The following GKAP1 variants were observed in gnomAD, a reference collection of about 807,000 sequenced individuals.
The protein encoded by GKAP1 is G kinase-anchoring protein 1.
GKAP1 carries 31 observed loss-of-function variants against 56.7 expected under a neutral mutation model. The ratio of observed to expected loss-of-function variants is 0.55; its 90% CI spans 0.41 to 0.74. The LOEUF (loss-of-function observed/expected upper bound fraction) is 0.74, where lower values mean the gene tolerates loss of function less well. Among genes scored for constraint, GKAP1 ranks in the 30% least tolerant of loss-of-function variants. The pLI, the probability that GKAP1 is intolerant of heterozygous loss-of-function variation, is 0.00. For synonymous variants in GKAP1, 151 were observed against 138.6 expected (o/e 1.09, Z -0.63); for missense variants, 364 against 402.3 (o/e 0.90, Z 0.82).
At chr9:83,768,778 A>G in intron 8 of GKAP1, 40 bp downstream of exon 8, 2 of 1,564,122 alleles carry the variant, frequency 1.3e-6, no homozygotes, top group Non-Finnish European at 8.7e-7. Context: ...TTACATTTCA[A>G]TTTCACTGTG....
At chr9:83,763,820 G>C (rs184992998) in intron 8 of GKAP1, among the ~76,000 whole-genome samples, 4 of 152,250 alleles carry the variant, frequency 2.6e-5, no homozygotes, top group African/African-American at 9.6e-5. Context: ...GTGTAAGAAA[G>C]GCAGGTAATT....
intron 8 of GKAP1, among the ~76,000 whole-genome samples, chr9:83,755,810 T>C (rs866226316): frequency 1.1e-4 from 17 of 148,984 alleles, no homozygotes; most frequent in Admixed American, 5.3e-4. Context: ...TTTTTTTTTT[T>C]TTTTTTTTTT....
intron 7 of GKAP1, among the ~76,000 whole-genome samples, chr9:83,775,040 ACT>A (rs1329113173): frequency 1.4e-5 from 2 of 146,336 alleles, no homozygotes; most frequent in African/African-American, 5.1e-5. Context: ...ATGAAGTCTC[ACT>A]CTGTCGCCCA....
intron 2 of GKAP1, among the ~76,000 whole-genome samples, chr9:83,813,251 CATAAT>C (rs1587747238): frequency 6.6e-6 from 1 of 152,128 alleles, no homozygotes; most frequent in South Asian, 2.1e-4. Flanking sequence ...TTTATATACA[CATAAT>C]ATAATTAAGC....
chr9:83,801,140 T>C (rs938282405), intron 3 of GKAP1, among the ~76,000 whole-genome samples: 1 of 152,114 alleles, frequency 6.6e-6, no homozygotes, highest in Non-Finnish European at 1.5e-5. Flanking sequence ...ACTGGTATCC[T>C]TATACAAAGA....
At chr9:83,815,408 G>A (rs764230598) in intron 2 of GKAP1, among the ~76,000 whole-genome samples, 6 of 151,110 alleles carry the variant, frequency 4.0e-5, no homozygotes, top group African/African-American at 1.5e-4. Context: ...CACCAAGCCC[G>A]ACCCAAGCAG....
chr9:83,796,430 C>T (rs1944248829), intron 4 of GKAP1, among the ~76,000 whole-genome samples: 1 of 152,102 alleles, frequency 6.6e-6, no homozygotes, highest in Non-Finnish European at 1.5e-5. Flanking sequence ...TTTTAATCTG[C>T]TATGATTTTA....
chr9:83,811,812 C>T (rs1944509068), intron 2 of GKAP1, among the ~76,000 whole-genome samples: 1 of 151,982 alleles, frequency 6.6e-6, no homozygotes, highest in Non-Finnish European at 1.5e-5. Flanking sequence ...AATAGCACTA[C>T]TTAATCTGCA....
intron 9 of GKAP1, among the ~76,000 whole-genome samples, chr9:83,750,032 C>T (rs2131236148): frequency 6.6e-6 from 1 of 152,262 alleles, no homozygotes; most frequent in African/African-American, 2.4e-5. Context: ...TGGGCTCCAA[C>T]CTATGTTAGT....
At chr9:83,749,950 C>G (rs924207178) in intron 9 of GKAP1, among the ~76,000 whole-genome samples, 2 of 152,156 alleles carry the variant, frequency 1.3e-5, no homozygotes, top group South Asian at 4.1e-4. Context: ...TCAACTACAA[C>G]TATATTCGCT....
chr9:83,806,621 T>A, intron 2 of GKAP1, 61 bp from the exon 3 acceptor site: 1 of 920,660 alleles, frequency 1.1e-6, no homozygotes, highest in Non-Finnish European at 1.6e-6. Flanking sequence ...CTGTTGTAGA[T>A]TCTAAAACAA....
chr9:83,795,931 G>C (rs1944239101), intron 4 of GKAP1, among the ~76,000 whole-genome samples: 1 of 152,004 alleles, frequency 6.6e-6, no homozygotes, highest in African/African-American at 2.4e-5. Context: ...TTTTGGTTCT[G>C]GTGATTAAAG....
chr9:83,815,867 G>C (rs1309541994), intron 2 of GKAP1, among the ~76,000 whole-genome samples: 1 of 151,964 alleles, frequency 6.6e-6, no homozygotes, highest in Non-Finnish European at 1.5e-5. Context: ...TAACCAAACA[G>C]TATCTTTCAC....
intron 2 of GKAP1, among the ~76,000 whole-genome samples, chr9:83,811,899 C>T (rs942396549): frequency 7.9e-5 from 12 of 151,358 alleles, no homozygotes; most frequent in African/African-American, 2.9e-4. Context: ...AAAAAATAGC[C>T]AACATATCAA....
chr9:83,801,098 T>C (rs868737234), intron 3 of GKAP1, among the ~76,000 whole-genome samples: 10 of 152,218 alleles, frequency 6.6e-5, no homozygotes, highest in Non-Finnish European at 8.8e-5. Context: ...GATAAAGTCA[T>C]GCTGAATTAG....
chr9:83,809,189 T>C (rs1442149516), intron 2 of GKAP1, among the ~76,000 whole-genome samples: 1 of 152,264 alleles, frequency 6.6e-6, no homozygotes. Flanking sequence ...ATGTCTATTC[T>C]GAAACATCTC....
At position 83,775,633 on chromosome 9, in the gene GKAP1, TG is replaced by T. The variant is rs1392912645; in HGVS notation, c.585+4748del. On this transcript the variant is annotated intron_variant, in intron 7 of 12. Coordinates refer to ENST00000376371, the MANE Select transcript of GKAP1 (RefSeq NM_025211.4). ...GCTCACTCCTGAAATCCCAACACTA[TG>T]GGAGGCCAAGGCCGGTAGATCACTT... 3.3e-5 allele frequency among the ~76,000 whole-genome samples: 5 copies of T among 151,954 alleles called. No individual in the cohort carries two copies. In the South Asian group the frequency reaches 1.0e-3, roughly 32 times the overall value.
At chr9:83,769,476 T>A (rs1943720600) in intron 7 of GKAP1, among the ~76,000 whole-genome samples, 1 of 152,260 alleles carries the variant, frequency 6.6e-6, no homozygotes, top group South Asian at 2.1e-4. Flanking sequence ...ATTTTGTATA[T>A]ACAGAATAAT....
At chr9:83,792,439 C>T (rs1362483790) in intron 4 of GKAP1, among the ~76,000 whole-genome samples, 1 of 152,158 alleles carries the variant, frequency 6.6e-6, no homozygotes, top group Non-Finnish European at 1.5e-5. Context: ...ATCAATGTGT[C>T]TGACTAAGCC....
Sources: gnomAD v4.1 joint callset for allele counts (sites outside exome capture counted in the v4.1 genomes callset) on GRCh38, gnomAD v4.1.1 for gene constraint, MANE v1.5 for transcripts, NCBI Gene and HGNC (gene_info 2026-07-23, HGNC 2026-07-21) for gene names.